MYO9A: variants seen among roughly 807,000 people sequenced by gnomAD.
The protein encoded by MYO9A is myosin IXA, also known as unconventional myosin-IXa.
A neutral mutation model predicts 293.3 loss-of-function variants in MYO9A; 103 were observed. The observed-to-expected ratio is 0.35, with a 90% CI of 0.30 to 0.41. The LOEUF (loss-of-function observed/expected upper bound fraction) is 0.41. MYO9A is among the 10% of genes least tolerant of loss of function. The pLI, the probability that MYO9A is intolerant of heterozygous loss-of-function variation, is 1.00. For synonymous variants in MYO9A, 1,001 were observed against 1,035.7 expected (o/e 0.97, Z 0.64); for missense variants, 2,685 against 3,033.0 (o/e 0.89, Z 2.69).
At chr15:72,006,589 T>C (rs2077024195) in intron 8 of MYO9A, among the ~76,000 whole-genome samples, 1 of 152,198 alleles carries the variant, frequency 6.6e-6, no homozygotes, top group Non-Finnish European at 1.5e-5. Flanking sequence ...AGTGAAACTA[T>C]TCTGTATGAT....
intron 19 of MYO9A, among the ~76,000 whole-genome samples, chr15:71,906,758 C>CTTTTTTTTTTTTTTCTTTTCTTTT (rs2057659301): frequency 1.6e-5 from 1 of 61,012 alleles, no homozygotes; most frequent in African/African-American, 6.4e-5. Context: ...CCATTTCTTT[C>CTTTTTTTTTTTTTTCTTTTCTTTT]TTTTTTTTTT....
chr15:71,897,885 C>T lies in MYO9A; in HGVS notation c.4618G>A (p.Glu1540Lys), dbSNP rs1474022093. Residue 1540 changes from glutamate to lysine, a missense_variant, in exon 25 of 42, where the codon GAG (glutamate) becomes AAG (lysine). Glu to Lys is a moderately conservative substitution (Grantham distance 56). Around this residue, in one of 10 missense-constraint regions of MYO9A, gnomAD observed 1,434 missense variants for 1,497.7 expected, o/e 0.96. Coordinates refer to ENST00000356056, the MANE Select transcript of MYO9A (RefSeq NM_006901.4). ...TAGGAAGATGGTGCCACCAAACACT[C>T]TCCAATTCTTGGCTTTTCAATTGTC... ...FKTIEKPRIG[E>K]CLVAPSSYQS... 1.2e-6 allele frequency: 2 copies of T among 1,614,032 alleles called. No homozygotes were observed. The highest frequency in any genetic ancestry group is 1.7e-6 in the Non-Finnish European group (2 of 1,180,038).
At chr15:71,986,328 C>CA (rs1321207215) in intron 11 of MYO9A, among the ~76,000 whole-genome samples, 1 of 152,144 alleles carries the variant, frequency 6.6e-6, no homozygotes, top group African/African-American at 2.4e-5. Flanking sequence ...GTCCTGAAAC[C>CA]AATCCCCTGT....
At chr15:72,116,190 G>C (rs1596623040) in intron 1 of MYO9A, among the ~76,000 whole-genome samples, 1 of 152,270 alleles carries the variant, frequency 6.6e-6, no homozygotes, top group East Asian at 1.9e-4. Context: ...AGGCGGAACA[G>C]AAATTTTTAC....
chr15:72,082,791 TG>T (rs2079590268), intron 1 of MYO9A, among the ~76,000 whole-genome samples: 1 of 151,552 alleles, frequency 6.6e-6, no homozygotes, highest in Admixed American at 6.6e-5. Flanking sequence ...TATAATCATG[TG>T]GTTTTTTTAG....
intron 15 of MYO9A, among the ~76,000 whole-genome samples, chr15:71,951,370 A>C (rs1278508184): frequency 6.6e-6 from 1 of 152,102 alleles, no homozygotes; most frequent in African/African-American, 2.4e-5. Context: ...CATACGTCAA[A>C]ACTTACCAAA....
Position 71,898,455 on chromosome 15 carries a change from C to T in MYO9A, c.4048G>A (p.Asp1350Asn). The change falls in exon 25 of 42, where the codon GAT becomes AAT. Residue 1350 changes from aspartate (D) to asparagine (N), a missense_variant. Coordinates refer to ENST00000356056, the MANE Select transcript of MYO9A (RefSeq NM_006901.4). ...GATGGAAACTGCAAGTCTCCTTCAT[C>T]TGAAATGACAGACTCTAGTTTGCTC... is the stretch of plus-strand genomic sequence containing the variant. Reference protein sequence around the residue: ...QKSKLESVISDEGDLQFPSPK... With the variant: ...QKSKLESVISNEGDLQFPSPK... 6.2e-7 allele frequency: 1 copy of T among 1,613,984 alleles called. No homozygotes were observed. Among genetic ancestry groups the T allele is most frequent in the Non-Finnish European group, 8.5e-7 (1 of 1,180,020 alleles).
chr15:71,842,299 C>T (rs2055194166), intron 39 of MYO9A, among the ~76,000 whole-genome samples: 1 of 152,042 alleles, frequency 6.6e-6, no homozygotes, highest in South Asian at 2.1e-4. Flanking sequence ...ATCGCTTGAA[C>T]CCAGGAGGCA....
chr15:72,072,871 C>T (rs867083205), intron 1 of MYO9A, among the ~76,000 whole-genome samples: 2 of 151,938 alleles, frequency 1.3e-5, no homozygotes, highest in Admixed American at 6.6e-5. Flanking sequence ...ATAAGGAACC[C>T]GCACGTATAC....
In MYO9A at chr15:71,850,050, G is replaced by C. The variant is rs931004106; in HGVS notation, c.6699C>G (p.Ile2233Met). The C allele has an allele frequency of 1.9e-6, 3 of 1,613,956 alleles. No individual in the cohort carries two copies. The East Asian group carries it at 6.7e-5, about 36-fold the overall frequency. Residue 2233 changes from isoleucine (I) to methionine (M), a missense_variant, in exon 38 of 42, where the codon ATC becomes ATG. Ile to Met is a conservative substitution (Grantham distance 10, BLOSUM62 1). Transcript: ENST00000356056. ...ACTGGCCTTACGTGGTAGTCTTACT[G>C]ATGTCCTGTACACTTTGTAGTGGGT... ...TTDPLQSVQD[I>M]SKTTTCVELI...
intron 22 of MYO9A, among the ~76,000 whole-genome samples, 155 bp from the exon 23 acceptor site, chr15:71,901,495 A>G (rs928709265): frequency 6.6e-5 from 10 of 152,202 alleles, no homozygotes; most frequent in Admixed American, 3.3e-4. Context: ...AGATTTATCC[A>G]AAGTAGTCAT....
intron 8 of MYO9A, among the ~76,000 whole-genome samples, chr15:72,003,703 C>CAAAAA (rs397738256): frequency 1.2e-5 from 1 of 86,524 alleles, no homozygotes; most frequent in Non-Finnish European, 2.4e-5. Flanking sequence ...GACTCCGTCT[C>CAAAAA]AAAAAAAAAA....
At chr15:72,053,484 A>G (rs1223915264) in intron 1 of MYO9A, among the ~76,000 whole-genome samples, 1 of 152,366 alleles carries the variant, frequency 6.6e-6, no homozygotes, top group African/African-American at 2.4e-5. Flanking sequence ...CAGCCATAAA[A>G]AAGAATGAGA....
chr15:72,083,079 A>G (rs1314044447), intron 1 of MYO9A, among the ~76,000 whole-genome samples: 5 of 152,026 alleles, frequency 3.3e-5, no homozygotes, highest in African/African-American at 4.8e-5. Flanking sequence ...TTTTGGGAAT[A>G]GTTTCAGTAG....
intron 11 of MYO9A, among the ~76,000 whole-genome samples, chr15:71,989,588 C>A (rs2076486481): frequency 6.6e-6 from 1 of 152,168 alleles, no homozygotes; most frequent in Non-Finnish European, 1.5e-5. Flanking sequence ...TAGCATTACA[C>A]ACAGTGACCA....
chr15:71,932,218 T>C (rs1024681991), intron 18 of MYO9A, among the ~76,000 whole-genome samples: 2 of 152,166 alleles, frequency 1.3e-5, no homozygotes, highest in South Asian at 4.1e-4. Context: ...AAGAGAGGAA[T>C]TCTAGCAAAC....
chr15:71,935,988 T>C (rs1402838209), intron 16 of MYO9A, among the ~76,000 whole-genome samples: 1 of 151,758 alleles, frequency 6.6e-6, no homozygotes, highest in Non-Finnish European at 1.5e-5. Flanking sequence ...ATTGCAGATA[T>C]AGCAATGAAC....
intron 1 of MYO9A, among the ~76,000 whole-genome samples, chr15:72,075,012 T>G (rs2150247112): frequency 7.9e-6 from 1 of 125,904 alleles, no homozygotes; most frequent in East Asian, 2.9e-4. Flanking sequence ...TTGCCCAGGC[T>G]GGAGTGCAAT....
intron 1 of MYO9A, among the ~76,000 whole-genome samples, chr15:72,078,886 A>G (rs1447846525): frequency 6.6e-6 from 1 of 152,226 alleles, no homozygotes; most frequent in African/African-American, 2.4e-5. Context: ...TATGTACTGT[A>G]TGATTCCAAC....
Sources: allele counts gnomAD v4.1 joint callset (sites outside exome capture counted in the v4.1 genomes callset), GRCh38; gene constraint gnomAD v4.1.1; regional missense constraint gnomAD v4.1.1; transcripts MANE v1.5; gene names NCBI Gene and HGNC (gene_info 2026-07-23, HGNC 2026-07-21).